Variants in SYT14 observed in about 807,000 individuals in gnomAD.
The protein encoded by SYT14 is synaptotagmin 14, also known as synaptotagmin-14.
SYT14 carries 32 observed loss-of-function variants against 74.2 expected under a neutral mutation model. The ratio of observed to expected loss-of-function variants is 0.43; its 90% CI spans 0.33 to 0.58. The LOEUF (loss-of-function observed/expected upper bound fraction) is 0.58. Among genes scored for constraint, SYT14 ranks in the 20% least tolerant of loss-of-function variants. The pLI is 0.05. For synonymous variants in SYT14, 298 were observed against 337.7 expected (o/e 0.88, Z 1.29); for missense variants, 791 against 981.8 (o/e 0.81, Z 2.60).
intron 7 of SYT14, among the ~76,000 whole-genome samples, chr1:210,138,365 C>T (rs1473384644): frequency 6.6e-6 from 1 of 152,156 alleles, no homozygotes; most frequent in Non-Finnish European, 1.5e-5. Flanking sequence ...TACCTCGCAC[C>T]AGTTCCCTCC....
chr1:209,969,478 TTTTC>T (rs1212076879), intron 2 of SYT14, among the ~76,000 whole-genome samples: 2 of 150,538 alleles, frequency 1.3e-5, no homozygotes, highest in Middle Eastern at 3.2e-3. Context: ...GTGGGTTGTT[TTTTC>T]TTTCTTTTTT....
exon 10 of SYT14, chr1:210,166,320 C>G (rs896529707): frequency 6.6e-6 from 1 of 152,240 alleles, no homozygotes; most frequent in African/African-American, 2.4e-5. Flanking sequence ...AATCCCAACA[C>G]TTTGGGAGGC....
At chr1:210,113,991 G>A (rs557732051) in intron 7 of SYT14, among the ~76,000 whole-genome samples, 21 of 151,324 alleles carry the variant, frequency 1.4e-4, no homozygotes, top group South Asian at 2.1e-4. Context: ...AGAAGGGGAC[G>A]GACTTACCTT....
intron 5 of SYT14, among the ~76,000 whole-genome samples, chr1:210,049,302 C>T (rs921378128): frequency 6.6e-6 from 1 of 152,154 alleles, no homozygotes; most frequent in African/African-American, 2.4e-5. Flanking sequence ...CCATGAGAGC[C>T]CCACCTCTGC....
intron 2 of SYT14, among the ~76,000 whole-genome samples, chr1:209,987,423 T>C (rs1413945360): frequency 6.6e-6 from 1 of 152,170 alleles, no homozygotes; most frequent in East Asian, 1.9e-4. Flanking sequence ...TTACTAATAG[T>C]GGGACATGAA....
At chr1:209,993,938 G>GT (rs1395442170) in intron 2 of SYT14, among the ~76,000 whole-genome samples, 1 of 152,182 alleles carries the variant, frequency 6.6e-6, no homozygotes, top group Non-Finnish European at 1.5e-5. Flanking sequence ...GTGAAACCAA[G>GT]TGCAAGTGTT....
At chr1:210,098,581 A>C (rs529281984) in intron 6 of SYT14, among the ~76,000 whole-genome samples, 5 of 152,238 alleles carry the variant, frequency 3.3e-5, no homozygotes, top group South Asian at 4.1e-4. Flanking sequence ...ACCTGATCTG[A>C]ATGTTTCACA....
At chr1:209,969,974 T>C (rs919176521) in intron 2 of SYT14, among the ~76,000 whole-genome samples, 3 of 152,004 alleles carry the variant, frequency 2.0e-5, no homozygotes, top group Non-Finnish European at 4.4e-5. Flanking sequence ...GTCAGATACA[T>C]AGTTTGCAAA....
At chr1:210,119,670 G>T (rs1244738588) in intron 7 of SYT14, among the ~76,000 whole-genome samples, 1 of 152,172 alleles carries the variant, frequency 6.6e-6, no homozygotes, top group Non-Finnish European at 1.5e-5. Context: ...TAAGCAAATA[G>T]ATGTAAATTT....
rs7530907 is a variant in SYT14 at position 209,952,535 on chromosome 1, T to C, written c.-533-174T>C. Among the ~76,000 whole-genome samples, 13,207 of 152,168 alleles carry C rather than the reference T, an allele frequency of 0.087. 1,797 individuals are homozygous for C. The highest frequency in any genetic ancestry group is 0.29 in the African/African-American group (11,989 of 41,432). Reference sequence around the variant, plus strand: ...TTCCTAAGACCTAATTTCTGGGTTGTTCCAGAAAATTCTGATATTAGGCTA... The same window carrying C: ...TTCCTAAGACCTAATTTCTGGGTTGCTCCAGAAAATTCTGATATTAGGCTA... On this transcript the variant is annotated intron_variant, in intron 1 of 9. Transcript: ENST00000637265.
chr1:210,066,411 T>C (rs1220163244), intron 5 of SYT14, among the ~76,000 whole-genome samples: 2 of 152,332 alleles, frequency 1.3e-5, no homozygotes, highest in South Asian at 2.1e-4. Context: ...TTTTTAATGA[T>C]TGCCATTCTA....
At chr1:210,048,225 A>C (rs1336074069) in intron 5 of SYT14, among the ~76,000 whole-genome samples, 1 of 152,104 alleles carries the variant, frequency 6.6e-6, no homozygotes, top group Non-Finnish European at 1.5e-5. Context: ...TGGATCCCCA[A>C]ATTGTCTCAA....
At position 210,086,737 on chromosome 1, in the gene SYT14, G is replaced by C. The variant is rs983590735; in HGVS notation, c.1313-7585G>C. Among the ~76,000 whole-genome samples, 6 of 152,028 alleles carry C rather than the reference G, an allele frequency of 3.9e-5. No individual in the cohort carries two copies. The South Asian group carries it at 1.2e-3, about 32-fold the overall frequency. On this transcript the variant is annotated intron_variant, in intron 5 of 9. Coordinates refer to ENST00000637265, the Ensembl canonical transcript of SYT14. The stretch of plus-strand genomic sequence containing the variant: ...AGCAAAGCTAGAATATTTATGTGTG[G>C]GTGTATGTGCAAATATATGCACACA...
chr1:210,048,372 A>G (rs530714711), intron 5 of SYT14, among the ~76,000 whole-genome samples: 1 of 152,318 alleles, frequency 6.6e-6, no homozygotes, highest in African/African-American at 2.4e-5. Flanking sequence ...GGTTTATTGG[A>G]CTTACAGTTC....
chr1:210,096,225 T>C (rs568950943), intron 6 of SYT14, among the ~76,000 whole-genome samples: 1 of 152,216 alleles, frequency 6.6e-6, no homozygotes. Flanking sequence ...AACAGTGCTC[T>C]TAACAACTAT....
At chr1:209,939,521 T>A (rs571082419) in intron 1 of SYT14, among the ~76,000 whole-genome samples, 4 of 152,350 alleles carry the variant, frequency 2.6e-5, no homozygotes, top group African/African-American at 9.6e-5. Context: ...CAGTTTCAAA[T>A]GTCTGCTTGA....
chr1:210,148,324 C>T (rs1393444991), intron 7 of SYT14, among the ~76,000 whole-genome samples: 5 of 151,980 alleles, frequency 3.3e-5, no homozygotes, highest in Non-Finnish European at 5.9e-5. Flanking sequence ...CTGGCTAACA[C>T]GGTGAAACCC....
At chr1:210,070,537 C>G (rs923909156) in intron 5 of SYT14, among the ~76,000 whole-genome samples, 3 of 152,030 alleles carry the variant, frequency 2.0e-5, no homozygotes, top group African/African-American at 4.8e-5. Flanking sequence ...GTTCAGTGTT[C>G]TTTATTGATT....
At chr1:210,017,079 C>T in exon 4 of SYT14, 1 of 1,231,620 alleles carries the variant, frequency 8.1e-7, no homozygotes, top group Admixed American at 4.2e-5. Flanking sequence ...GAAAAATATT[C>T]TAAGATAATA....
Sources: gnomAD v4.1 joint callset for allele counts (sites outside exome capture counted in the v4.1 genomes callset) on GRCh38, gnomAD v4.1.1 for gene constraint, MANE v1.5 for transcripts, NCBI Gene and HGNC (gene_info 2026-07-23, HGNC 2026-07-21) for gene names.